Variants in DMPK observed in about 807,000 individuals in gnomAD.
The protein encoded by DMPK is myotonin-protein kinase.
In DMPK, 32 loss-of-function variants were observed where a neutral mutation model predicts 70.3. The observed-to-expected ratio is 0.46, with a 90% CI of 0.34 to 0.61. The LOEUF (loss-of-function observed/expected upper bound fraction) is 0.61. Ranked by LOEUF, DMPK falls within the 20% of genes least tolerant of loss-of-function variation. The pLI is 0.01. For synonymous variants in DMPK, 469 were observed against 390.9 expected (o/e 1.20, Z -2.36); for missense variants, 899 against 886.0 (o/e 1.01, Z -0.19).
chr19:45,773,681 C>T (rs560215560), intron 9 of DMPK, among the ~76,000 whole-genome samples: 3 of 152,310 alleles, frequency 2.0e-5, no homozygotes, highest in Non-Finnish European at 4.4e-5. Context: ...GACCAGGTCT[C>T]ACTTTGTTGC....
intron 8 of DMPK, among the ~76,000 whole-genome samples, chr19:45,775,815 A>G (rs1250170668): frequency 1.3e-5 from 1 of 78,326 alleles, no homozygotes; most frequent in African/African-American, 4.7e-5. Context: ...ACCTTGCCCA[A>G]CCCTTTTTTT....
chr19:45,777,808 G>A lies in DMPK; in HGVS notation c.741C>T (p.Gly247=), dbSNP rs372404548. Residue 247 remains glycine, a synonymous_variant, in exon 7 of 15, where the codon GGC becomes GGT. Transcript: ENST00000291270. This position sits in a 1 kb window ranked among gnomAD's most constrained non-coding sequence, Gnocchi z 6.7. Reference sequence around the variant, plus strand: ...CGTAGCTGCCTGTCCCAGGCCCACCGCCCACAGCCTGCAGGATCTCGGGGG... The same window carrying A: ...CGTAGCTGCCTGTCCCAGGCCCACCACCCACAGCCTGCAGGATCTCGGGGG... ...YLSPEILQAV[G]GGPGTGSYGP... The A allele has an allele frequency of 1.3e-5, 21 of 1,612,614 alleles. No individual in the cohort carries two copies. The highest frequency in any genetic ancestry group is 6.7e-5 in the Admixed American group (4 of 60,026).
At position 45,779,877 on chromosome 19, in the gene DMPK, G is replaced by C. The variant is rs938598015; in HGVS notation, c.161-8C>G. The C allele has an allele frequency of 6.2e-7, 1 of 1,613,432 alleles. No individual in the cohort carries two copies. The highest frequency in any genetic ancestry group is 1.7e-5 in the Admixed American group (1 of 59,982). On this transcript the variant is annotated splice_region_variant and splice_polypyrimidine_tract_variant and intron_variant, in intron 1 of 14. Coordinates refer to ENST00000291270, the MANE Select transcript of DMPK (RefSeq NM_004409.5). ...TCACCACGATGGGCTCCGCTGGGGG[G>C]GTGGTGGGGGAAAAGAACCGAGGGT...
intron 9 of DMPK, among the ~76,000 whole-genome samples, chr19:45,774,544 G>C (rs1164055912): frequency 6.6e-6 from 1 of 152,186 alleles, no homozygotes; most frequent in African/African-American, 2.4e-5. Context: ...TTACAGGCGT[G>C]AGCCACCGCG....
At chr19:45,782,078 T>C (rs1970149169) in intron 1 of DMPK, 115 bp downstream of exon 1, 1 of 973,580 alleles carries the variant, frequency 1.0e-6, no homozygotes, top group Admixed American at 3.1e-5. Flanking sequence ...GATGGGAGGA[T>C]CTCCCCATGC....
At chr19:45,774,821 G>GGAA in intron 9 of DMPK, 128 bp downstream of exon 9, 2 of 668,706 alleles carry the variant, frequency 3.0e-6, no homozygotes, top group Non-Finnish European at 2.6e-6. Context: ...TGGCCTCTTA[G>GGAA]GAGTCTTTGG....
rs999209567 is a variant in DMPK, at chr19:45,781,057, G to A, written c.160+1136C>T. Among the ~76,000 whole-genome samples, 5 of 152,324 alleles carry A rather than the reference G, an allele frequency of 3.3e-5. No homozygotes were observed. In the East Asian group the frequency reaches 7.7e-4, roughly 24 times the overall value. On this transcript the variant is annotated intron_variant, in intron 1 of 14. Transcript: ENST00000291270. Reference sequence around the variant, plus strand: ...GAGAAGGTTTTTCCAGAGGCTGAATGGCCTGGCCCTTCTTGGCCTCCACCT... The same window carrying A: ...GAGAAGGTTTTTCCAGAGGCTGAATAGCCTGGCCCTTCTTGGCCTCCACCT...
Position 45,771,021 on chromosome 19 carries a change from G to T in DMPK, c.1687C>A (p.Leu563Met). Residue 563 changes from leucine (L) to methionine (M), a missense_variant, in exon 14 of 15, where the codon CTG becomes ATG. This residue lies in a region of DMPK where 555 missense variants were observed against 483.8 expected (regional missense o/e 1.15). Coordinates refer to ENST00000291270, the MANE Select transcript of DMPK (RefSeq NM_004409.5). Reference sequence around the variant, plus strand: ...CGGTGCATGGGGCCTGGCCCCACCAGCGGGCACTGGCCCACAGCCACGGCC... The same window carrying T: ...CGGTGCATGGGGCCTGGCCCCACCATCGGGCACTGGCCCACAGCCACGGCC... ...PPAVAVGQCP[L>M]VGPGPMHRRH... 1.3e-6 allele frequency: 2 copies of T among 1,482,870 alleles called. No individual in the cohort carries two copies. The highest frequency in any genetic ancestry group is 1.8e-6 in the Non-Finnish European group (2 of 1,119,984). The allele number at this position is 1,482,870 out of a possible 1,614,324, so 91.9% of individuals were successfully genotyped here.
At chr19:45,779,140 C>A in intron 4 of DMPK, 124 bp downstream of exon 4, 2 of 983,172 alleles carry the variant, frequency 2.0e-6, no homozygotes, top group South Asian at 2.7e-5. Flanking sequence ...TTACCGCACA[C>A]AGACTTTCCC....
In DMPK at chr19:45,782,075, G is replaced by C. The variant is rs572789035; in HGVS notation, c.160+118C>G. The C allele has an allele frequency of 2.2e-4, 210 of 952,376 alleles. 4 individuals are homozygous for C. In the South Asian group the frequency reaches 2.6e-3, roughly 12 times the overall value. 59.0% of individuals were successfully genotyped at this position (952,376 alleles called of 1,614,324 possible). ...CCACACTCTGAGCCCCAGGATGGGA[G>C]GATCTCCCCATGCCCATCCTGCCAT... is the stretch of plus-strand genomic sequence containing the variant. On this transcript the variant is annotated intron_variant, in intron 1 of 14. Transcript: ENST00000291270.
At chr19:45,774,120 A>C (rs1969640140) in intron 9 of DMPK, among the ~76,000 whole-genome samples, 1 of 150,976 alleles carries the variant, frequency 6.6e-6, no homozygotes, top group Non-Finnish European at 1.5e-5. Context: ...CGCCTGGCTA[A>C]TTTTGTTTTT....
intron 1 of DMPK, chr19:45,780,542 T>C (rs1970057367): frequency 9.6e-7 from 1 of 1,046,260 alleles, no homozygotes; most frequent in Admixed American, 5.4e-5. Context: ...CAAGGTCCTA[T>C]GACTAGGAAT....
In DMPK at chr19:45,777,126, T is replaced by A; in HGVS notation, c.1146+201A>T. On this transcript the variant is annotated intron_variant, in intron 8 of 14. Coordinates refer to ENST00000291270, the MANE Select transcript of DMPK (RefSeq NM_004409.5). The surrounding 1 kb of genome is among the most constrained non-coding windows in gnomAD (Gnocchi z 6.7). ...AGCCCTGATCACTCTGGGGCCTTAC[T>A]GTCTGAAGACTGCTCTGTGTTCCCC... The A allele has an allele frequency of 2.8e-6, 2 of 715,444 alleles. No individual in the cohort carries two copies. The highest frequency in any genetic ancestry group is 1.8e-5 in the African/African-American group (1 of 56,024). The allele number at this position is 715,444 out of a possible 1,614,324, so 44.3% of individuals were successfully genotyped here. A position where few individuals can be genotyped will look rare whatever the true frequency, so the allele number is the denominator to read the frequency against.
At chr19:45,774,652 A>C (rs550980476) in intron 9 of DMPK, among the ~76,000 whole-genome samples, 1 of 152,204 alleles carries the variant, frequency 6.6e-6, no homozygotes, top group Non-Finnish European at 1.5e-5. Context: ...TCTAAACTTC[A>C]TATTTTCCAA....
rs755809532 is a variant in DMPK, at chr19:45,779,134, C to A, written c.432+130G>T. 12 of 915,134 alleles carry A rather than the reference C, an allele frequency of 1.3e-5. No individual in the cohort carries two copies. In the East Asian group the frequency reaches 1.5e-4, roughly 11 times the overall value. The allele number at this position is 915,134 out of a possible 1,614,324, so 56.7% of individuals were successfully genotyped here. On this transcript the variant is annotated intron_variant, in intron 4 of 14. Coordinates refer to ENST00000291270, the MANE Select transcript of DMPK (RefSeq NM_004409.5). The stretch of plus-strand genomic sequence containing the variant: ...TCATCCACCTGACACACCCTCTTAC[C>A]GCACACAGACTTTCCCACAGACGTT...
Position 45,779,491 on chromosome 19 carries a change from T to C in DMPK, c.284A>G (p.Gln95Arg). 2 of 1,613,890 alleles carry C rather than the reference T, an allele frequency of 1.2e-6. No individual in the cohort carries two copies. The highest frequency in any genetic ancestry group is 1.7e-6 in the Non-Finnish European group (2 of 1,180,006). The change falls in exon 3 of 15, where the codon CAG (glutamine) becomes CGG (arginine). Residue 95 changes from glutamine (Q) to arginine (R), a missense_variant. Gln to Arg is a conservative substitution (Grantham distance 43). Around this residue, in one of 3 missense-constraint regions of DMPK, gnomAD observed 149 missense variants for 142.5 expected, o/e 1.05. Transcript: ENST00000291270. Reference protein sequence around the residue: ...VAVVKMKQTGQVYAMKIMNKW... With the variant: ...VAVVKMKQTGRVYAMKIMNKW... ...GTTCATGATCTTCATGGCATACACC[T>C]GGCCCGTCTGCTTCATCTTCACTAC...
In DMPK at chr19:45,778,496, T is replaced by C; in HGVS notation, c.578A>G (p.His193Arg). 1 of 1,613,636 alleles carries C rather than the reference T, an allele frequency of 6.2e-7. No homozygotes were observed. Among genetic ancestry groups the C allele is most frequent in the Non-Finnish European group, 8.5e-7 (1 of 1,179,962 alleles). ...IDSVHRLGYV[H>R]RDIKPDNILL... Reference sequence around the variant, plus strand: ...CCCTCGGCCATGCTGCACCCACCTGTGCACGTAGCCAAGCCGGTGCACCGA... The same window carrying C: ...CCCTCGGCCATGCTGCACCCACCTGCGCACGTAGCCAAGCCGGTGCACCGA... The change falls in exon 5 of 15, where the codon CAC (histidine) becomes CGC (arginine). Residue 193 changes from histidine to arginine, a missense_variant. His to Arg is a conservative substitution (Grantham distance 29). Transcript: ENST00000291270.
chr19:45,777,633 G>A lies in DMPK; in HGVS notation c.882+34C>T, dbSNP rs140158944. The A allele has an allele frequency of 2.0e-4, 327 of 1,613,368 alleles. 2 individuals carry two copies. In the African/African-American group the frequency reaches 3.4e-3, roughly 17 times the overall value. On this transcript the variant is annotated intron_variant, in intron 7 of 14. Transcript: ENST00000291270. The surrounding 1 kb of genome is among the most constrained non-coding windows in gnomAD (Gnocchi z 6.7). ...AGGCGATAGCCTGGGAGCGCCTACC[G>A]GGAGAGGCCAGGTCTCCCTGCGGCC...
chr19:45,781,843 G>A (rs188461283), intron 1 of DMPK, among the ~76,000 whole-genome samples: 1 of 152,264 alleles, frequency 6.6e-6, no homozygotes, highest in African/African-American at 2.4e-5. Context: ...TTGGGGGGAG[G>A]GTCCTAGGAG....
Sources: gnomAD v4.1 joint callset for allele counts (sites outside exome capture counted in the v4.1 genomes callset) on GRCh38, gnomAD v4.1.1 for gene constraint, gnomAD v4.1.1 regional missense constraint, Gnocchi (gnomAD v3.1) non-coding constraint, MANE v1.5 for transcripts, NCBI Gene and HGNC (gene_info 2026-07-23, HGNC 2026-07-21) for gene names.